TBXT: variants seen among roughly 807,000 people sequenced by gnomAD.
TBXT encodes the protein T-box transcription factor T, also known as T brachyury transcription factor.
In TBXT, 19 loss-of-function variants were observed where a neutral mutation model predicts 41.1. The ratio of observed to expected loss-of-function variants is 0.46; its 90% CI spans 0.32 to 0.68. TBXT has a LOEUF of 0.68. Ranked by LOEUF, TBXT falls within the 30% of genes least tolerant of loss-of-function variation. TBXT has a pLI of 0.03. For synonymous variants in TBXT, 213 were observed against 238.9 expected, an observed-to-expected ratio of 0.89 and a Z score of 1.00; for missense variants, 536 against 582.0, an observed-to-expected ratio of 0.92 and a Z score of 0.81.
intron 2 of TBXT, among the ~76,000 whole-genome samples, 154 bp downstream of exon 2, chr6:166,166,438 C>T (rs1381083225): frequency 2.0e-5 from 3 of 152,210 alleles, no homozygotes; most frequent in African/African-American, 7.2e-5. Flanking sequence ...GTATAAACAG[C>T]GCTAAAGGCC....
At chr6:166,163,877 C>T (rs1779032857) in intron 5 of TBXT, among the ~76,000 whole-genome samples, 1 of 152,240 alleles carries the variant, frequency 6.6e-6, no homozygotes, top group Non-Finnish European at 1.5e-5. Context: ...GACTGCCTTT[C>T]TGGTTGTTCA....
In TBXT at chr6:166,160,963, T is replaced by G; in HGVS notation, c.911A>C (p.Tyr304Ser). 6.2e-7 allele frequency: 1 copy of G among 1,613,910 alleles called. No individual in the cohort carries two copies. Among genetic ancestry groups the G allele is most frequent in the Non-Finnish European group, 8.5e-7 (1 of 1,179,956 alleles). Residue 304 changes from tyrosine (Y) to serine (S), a missense_variant, in exon 7 of 8, where the codon TAT becomes TCT. Physicochemically the swap from Tyr to Ser is moderately radical, Grantham distance 144. Coordinates refer to ENST00000366876, the MANE Select transcript of TBXT (RefSeq NM_001366285.2). ...TAAACATGCAGGTGAGTTGTCAGAATAGGCTAAGGGGGGAAGGTAACAAAG... is the reference window on the plus strand; with the variant it reads ...TAAACATGCAGGTGAGTTGTCAGAAGAGGCTAAGGGGGGAAGGTAACAAAG... ...PYAHRNNSPT[Y>S]SDNSPACLSM... is the part of the protein sequence containing the mutation.
At chr6:166,161,976 G>A (rs1778971267) in intron 6 of TBXT, among the ~76,000 whole-genome samples, 1 of 152,248 alleles carries the variant, frequency 6.6e-6, no homozygotes, top group Non-Finnish European at 1.5e-5. Context: ...TGTCAGTCTG[G>A]GGTGGGGCCT....
chr6:166,163,043 C>T (rs1779006765), intron 5 of TBXT, among the ~76,000 whole-genome samples: 1 of 152,250 alleles, frequency 6.6e-6, no homozygotes. Flanking sequence ...AGCCTGGCCT[C>T]AGGCAACCTA....
intron 7 of TBXT, among the ~76,000 whole-genome samples, chr6:166,158,902 G>T (rs1778871632): frequency 6.6e-6 from 1 of 152,244 alleles, no homozygotes; most frequent in East Asian, 1.9e-4. Context: ...GCCAGCCGCA[G>T]TGGGTGATGC....
Position 166,158,072 on chromosome 6 carries a change from C to T in TBXT, c.*243G>A. 1.6e-6 allele frequency: 1 copy of T among 626,942 alleles called. No individual in the cohort carries two copies. Among genetic ancestry groups the T allele is most frequent in the Non-Finnish European group, 2.8e-6 (1 of 359,600 alleles). 38.8% of individuals were successfully genotyped at this position (626,942 alleles called of 1,614,324 possible). ...TGAGGTTGGGCCAACTGCATCATCT[C>T]CACAGTTGGGTTCATCTGTAAGCCA... is the stretch of plus-strand genomic sequence containing the variant. On this transcript the variant is annotated 3_prime_UTR_variant, in exon 8 of 8. Transcript: ENST00000366876.
chr6:166,160,348 T>A (rs768481497), intron 7 of TBXT, among the ~76,000 whole-genome samples: 1 of 152,204 alleles, frequency 6.6e-6, no homozygotes, highest in African/African-American at 2.4e-5. Context: ...AATAAACTCA[T>A]TTCCTTCATT....
In TBXT at chr6:166,158,122, G is replaced by T. The variant is rs778091431; in HGVS notation, c.*193C>A. On this transcript the variant is annotated 3_prime_UTR_variant, in exon 8 of 8. Transcript: ENST00000366876. ...ACCTGGGACAGCACCGCTACTGCAG[G>T]TGTGAGCAAGGGATGCTGGGGCTCT... 1 of 827,096 alleles carries T rather than the reference G, an allele frequency of 1.2e-6. No homozygotes were observed. The highest frequency in any genetic ancestry group is 1.6e-5 in the South Asian group (1 of 61,502). 51.2% of individuals were successfully genotyped at this position (827,096 alleles called of 1,614,324 possible).
rs75603146 is a variant in TBXT at position 166,159,528 on chromosome 6, A to G, written c.1038-940T>C. Reference sequence around the variant, plus strand: ...TTCCGCCTTTACCTAGCTGTGTCACATTACACTTTGCCTGAGACTACTTAT... The same window carrying G: ...TTCCGCCTTTACCTAGCTGTGTCACGTTACACTTTGCCTGAGACTACTTAT... On this transcript the variant is annotated intron_variant, in intron 7 of 7. Coordinates refer to ENST00000366876, the MANE Select transcript of TBXT (RefSeq NM_001366285.2). Among the ~76,000 whole-genome samples, 17 of 152,352 alleles carry G rather than the reference A, an allele frequency of 1.1e-4. No homozygotes were observed. In the East Asian group the frequency reaches 2.9e-3, roughly 26 times the overall value.
intron 6 of TBXT, 36 bp from the exon 7 acceptor site, chr6:166,161,002 G>A (rs1778939438): frequency 6.2e-7 from 1 of 1,612,092 alleles, no homozygotes. Context: ...AATTATAGAT[G>A]GTGTCTTCCA....
At chr6:166,161,644 C>T (rs2128521911) in intron 6 of TBXT, among the ~76,000 whole-genome samples, 1 of 152,326 alleles carries the variant, frequency 6.6e-6, no homozygotes, top group Admixed American at 6.5e-5. Context: ...GCACACTGGC[C>T]AGGCGTGGTG....
intron 6 of TBXT, among the ~76,000 whole-genome samples, chr6:166,162,034 C>T (rs886416961): frequency 6.6e-6 from 1 of 152,168 alleles, no homozygotes; most frequent in East Asian, 1.9e-4. Flanking sequence ...GCCTGGGCAC[C>T]GTATTTGGAG....
chr6:166,161,851 A>T (rs138119572), intron 6 of TBXT, among the ~76,000 whole-genome samples: 2,296 of 152,298 alleles, frequency 0.015, 51 homozygotes, highest in African/African-American at 0.052. Context: ...TGAACCCGAG[A>T]GGCGGAGCTT....
chr6:166,160,770 G>T, intron 7 of TBXT, 67 bp downstream of exon 7: 1 of 1,606,512 alleles, frequency 6.2e-7, no homozygotes, highest in Non-Finnish European at 8.5e-7. Flanking sequence ...CTATGGGAAT[G>T]GAAACAGCGT....
At chr6:166,167,265 G>A (rs1351573137) in intron 1 of TBXT, 121 bp downstream of exon 1, 20 of 1,147,048 alleles carry the variant, frequency 1.7e-5, no homozygotes, top group Non-Finnish European at 2.3e-5. Context: ...ACCAGAGCGG[G>A]AACAAACACA....
intron 7 of TBXT, among the ~76,000 whole-genome samples, chr6:166,160,316 A>G (rs1778914875): frequency 6.6e-6 from 1 of 152,220 alleles, no homozygotes; most frequent in African/African-American, 2.4e-5. Context: ...AAAGACTTCG[A>G]GCCTGTATCC....
chr6:166,167,781 G>A lies in TBXT; in HGVS notation c.-190C>T, dbSNP rs2128523979. The A allele has an allele frequency of 7.5e-6, 5 of 670,212 alleles. No homozygotes were observed. Among genetic ancestry groups the A allele is most frequent in the Non-Finnish European group, 1.3e-5 (5 of 393,448 alleles). 41.5% of individuals were successfully genotyped at this position (670,212 alleles called of 1,614,324 possible). A position where few individuals can be genotyped will look rare whatever the true frequency, so the allele number is the denominator to read the frequency against. ...GCGCGGACCAAGACTTGGGGGGAGGGGACGGGGGCAGAGGGGTGGGGAGAA... is the reference window on the plus strand; with the variant it reads ...GCGCGGACCAAGACTTGGGGGGAGGAGACGGGGGCAGAGGGGTGGGGAGAA... On this transcript the variant is annotated 5_prime_UTR_variant, in exon 1 of 8. Transcript: ENST00000366876.
chr6:166,162,658 A>T (rs533985705), intron 5 of TBXT, 35 bp from the exon 6 acceptor site: 2 of 1,573,800 alleles, frequency 1.3e-6, no homozygotes, highest in African/African-American at 1.3e-5. Context: ...AACCTGCATT[A>T]GTGCTCCCTC....
In TBXT at chr6:166,166,945, CG is replaced by C. The variant is rs1430132840; in HGVS notation, c.207-90del. ...CTGGGCACAGAGGCCTCAGTTATTT[CG>C]GGGCACAGAGGAGCCCCCTGGGGAA... On this transcript the variant is annotated intron_variant, in intron 1 of 7. Transcript: ENST00000366876. 5 of 1,599,978 alleles carry C rather than the reference CG, an allele frequency of 3.1e-6. No individual in the cohort carries two copies. In the East Asian group the frequency reaches 6.7e-5, roughly 21 times the overall value.
Sources: gnomAD v4.1 joint callset for allele counts (sites outside exome capture counted in the v4.1 genomes callset) on GRCh38, gnomAD v4.1.1 for gene constraint, MANE v1.5 for transcripts, NCBI Gene and HGNC (gene_info 2026-07-23, HGNC 2026-07-21) for gene names.